The following CDKL1 variants were observed in gnomAD, a reference collection of about 807,000 sequenced individuals.
The protein encoded by CDKL1 is cyclin-dependent kinase-like 1.
A neutral mutation model predicts 42.0 loss-of-function variants in CDKL1; 41 were observed. The observed-to-expected ratio is 0.98, with a 90% CI of 0.76 to 1.27. The LOEUF is 1.27. Among genes scored for constraint, CDKL1 ranks in the 50% most tolerant of loss-of-function variants. The probability of loss-of-function intolerance (pLI) is 0.00; values close to 1 mark genes in which losing one functional copy is unlikely to be tolerated. For missense variants in CDKL1, 394 were observed against 428.4 expected (o/e 0.92, Z 0.71); for synonymous variants, 153 against 158.6 (o/e 0.96, Z 0.26).
intron 4 of CDKL1, chr14:50,343,037 C>T: frequency 7.4e-7 from 1 of 1,349,318 alleles, no homozygotes. Flanking sequence ...AGCCCACAGC[C>T]AACATTCTTA....
intron 3 of CDKL1, among the ~76,000 whole-genome samples, chr14:50,349,766 TG>T (rs1033156857): frequency 2.6e-5 from 4 of 151,702 alleles, no homozygotes; most frequent in Non-Finnish European, 5.9e-5. Context: ...TGTTGTTGTT[TG>T]TTTTTTGTTT....
intron 2 of CDKL1, among the ~76,000 whole-genome samples, chr14:50,374,082 A>G (rs561460096): frequency 1.3e-5 from 2 of 152,344 alleles, no homozygotes; most frequent in South Asian, 4.1e-4. Context: ...ATAACGTGAT[A>G]TCATCCACCG....
At chr14:50,371,569 T>A (rs938425336) in intron 2 of CDKL1, among the ~76,000 whole-genome samples, 3 of 152,194 alleles carry the variant, frequency 2.0e-5, no homozygotes, top group Non-Finnish European at 2.9e-5. Flanking sequence ...TTTTTCCCCC[T>A]TTTTTAGAGA....
Position 50,332,067 on chromosome 14 carries a change from A to T in CDKL1, c.966+195T>A, listed in dbSNP as rs538066600. Reference sequence around the variant, plus strand: ...TGTGGCATCAGGAAGCAGCAGGACAAGGGCACCTTTAGGATTCAGGGAGAG... The same window carrying T: ...TGTGGCATCAGGAAGCAGCAGGACATGGGCACCTTTAGGATTCAGGGAGAG... On this transcript the variant is annotated intron_variant, in intron 9 of 9. Coordinates refer to ENST00000395834, the MANE Select transcript of CDKL1 (RefSeq NM_004196.7). 3.9e-6 allele frequency: 6 copies of T among 1,550,568 alleles called. No individual in the cohort carries two copies. The Admixed American group carries it at 1.2e-4, about 30-fold the overall frequency.
At chr14:50,367,274 T>G (rs1330274839) in intron 2 of CDKL1, among the ~76,000 whole-genome samples, 1 of 152,116 alleles carries the variant, frequency 6.6e-6, no homozygotes, top group South Asian at 2.1e-4. Flanking sequence ...CTTCCCTGGG[T>G]TGGGGTCGAG....
chr14:50,330,861 A>G (rs2032897246), intron 9 of CDKL1: 1 of 152,248 alleles, frequency 6.6e-6, no homozygotes, highest in Non-Finnish European at 1.5e-5. Flanking sequence ...TTTACTTTCT[A>G]GAAAAAAATT....
At chr14:50,359,255 C>T in intron 2 of CDKL1, 106 bp from the exon 3 acceptor site, 1 of 1,332,744 alleles carries the variant, frequency 7.5e-7, no homozygotes, top group Non-Finnish European at 1.0e-6. Flanking sequence ...GAATTTCATT[C>T]TTAGATTGAA....
At chr14:50,342,878 A>G (rs1211561048) in intron 4 of CDKL1, 1 of 1,282,656 alleles carries the variant, frequency 7.8e-7, no homozygotes, top group African/African-American at 1.6e-5. Flanking sequence ...TCCGGACAAG[A>G]TAAACAAGAG....
intron 2 of CDKL1, among the ~76,000 whole-genome samples, chr14:50,388,363 G>A (rs1214643675): frequency 2.0e-5 from 3 of 152,234 alleles, no homozygotes; most frequent in Non-Finnish European, 4.4e-5. Flanking sequence ...CTTAATAAAT[G>A]CTTTGGATAA....
At chr14:50,396,462 A>T (rs556213614) in intron 1 of CDKL1, 133 bp from the exon 2 acceptor site, 2 of 984,976 alleles carry the variant, frequency 2.0e-6, no homozygotes, top group Admixed American at 6.1e-5. Flanking sequence ...ATACCCTGTA[A>T]GTTAAAATGT....
At chr14:50,372,654 T>C (rs1407516438) in intron 2 of CDKL1, among the ~76,000 whole-genome samples, 1 of 152,242 alleles carries the variant, frequency 6.6e-6, no homozygotes, top group Non-Finnish European at 1.5e-5. Context: ...CCCTATGTTT[T>C]CTTCTAGAAG....
rs1305132789 is a variant in CDKL1, at chr14:50,342,207, C to T, written c.379G>A (p.Val127Met). The T allele has an allele frequency of 5.6e-6, 9 of 1,613,846 alleles. No homozygotes were observed. The highest frequency in any genetic ancestry group is 2.2e-5 in the South Asian group (2 of 91,076). Residue 127 changes from valine (V) to methionine (M), a missense_variant, in exon 5 of 10, where the codon GTG becomes ATG. Physicochemically the swap from Val to Met is conservative, Grantham distance 21 (BLOSUM62 1). Coordinates refer to ENST00000395834, the MANE Select transcript of CDKL1 (RefSeq NM_004196.7). ...GTGATGAGGATATTTTCTGGCTTCA[C>T]GTCTCTATGTATGCACTAGTGTAAC... ...CHKHNCIHRDVKPENILITKH... is the reference protein window; with the variant it reads ...CHKHNCIHRDMKPENILITKH...
intron 2 of CDKL1, among the ~76,000 whole-genome samples, chr14:50,387,523 C>CA (rs10543388): frequency 2.7e-4 from 40 of 147,442 alleles, no homozygotes; most frequent in South Asian, 8.6e-4. Flanking sequence ...GACTCCATCT[C>CA]AAAAAAAAAA....
At chr14:50,378,173 T>C in intron 2 of CDKL1, 1 of 1,366,198 alleles carries the variant, frequency 7.3e-7, no homozygotes, top group South Asian at 1.1e-5. Flanking sequence ...GCTGCTTCCT[T>C]TACCTGCAGA....
At chr14:50,391,069 G>A (rs144452948) in intron 2 of CDKL1, among the ~76,000 whole-genome samples, 24 of 152,194 alleles carry the variant, frequency 1.6e-4, no homozygotes, top group African/African-American at 5.5e-4. Flanking sequence ...TCATGGGCTC[G>A]AGAGATCAGC....
intron 2 of CDKL1, chr14:50,378,294 G>A (rs778277626): frequency 7.3e-7 from 1 of 1,366,584 alleles, no homozygotes; most frequent in Non-Finnish European, 9.8e-7. Flanking sequence ...ATAGGATGAG[G>A]TTGTTGCAGT....
chr14:50,335,367 T>G, intron 7 of CDKL1: 1 of 864,768 alleles, frequency 1.2e-6, no homozygotes, highest in East Asian at 2.7e-5. Context: ...AAATAGATGT[T>G]TTTCCCCTAC....
At chr14:50,390,866 C>T (rs1320024231) in intron 2 of CDKL1, among the ~76,000 whole-genome samples, 1 of 152,192 alleles carries the variant, frequency 6.6e-6, no homozygotes, top group Non-Finnish European at 1.5e-5. Flanking sequence ...CAGTGTCTTA[C>T]TCTGTTGCCC....
At chr14:50,369,529 G>A (rs895365138) in intron 2 of CDKL1, among the ~76,000 whole-genome samples, 3 of 149,928 alleles carry the variant, frequency 2.0e-5, no homozygotes, top group African/African-American at 4.9e-5. Flanking sequence ...AAGCTTTATT[G>A]TAAATTGTAA....
Sources: allele counts gnomAD v4.1 joint callset (sites outside exome capture counted in the v4.1 genomes callset), GRCh38; gene constraint gnomAD v4.1.1; transcripts MANE v1.5; gene names NCBI Gene and HGNC (gene_info 2026-07-23, HGNC 2026-07-21).